Variants in OTUD7A observed in about 807,000 individuals in gnomAD.
OTUD7A encodes OTU deubiquitinase 7A.
In OTUD7A, 12 loss-of-function variants were observed where a neutral mutation model predicts 65.7. The observed-to-expected ratio is 0.18, with a 90% confidence interval of 0.12 to 0.30. The LOEUF (loss-of-function observed/expected upper bound fraction) is 0.30. Among genes scored for constraint, OTUD7A ranks in the 10% least tolerant of loss-of-function variants. OTUD7A has a pLI of 1.00. For synonymous variants in OTUD7A, 641 were observed against 586.3 expected, an observed-to-expected ratio of 1.09 and a Z score of -1.35; for missense variants, 1,148 against 1,304.8, an observed-to-expected ratio of 0.88 and a Z score of 1.85.
intron 1 of OTUD7A, among the ~76,000 whole-genome samples, chr15:31,757,464 T>G (rs1894847874): frequency 6.6e-6 from 1 of 151,866 alleles, no homozygotes; most frequent in Admixed American, 6.6e-5. Flanking sequence ...CTGCTACCAC[T>G]TAAACACAAT....
intron 1 of OTUD7A, among the ~76,000 whole-genome samples, chr15:31,753,721 T>TATATATATATTATATATATATATAATA (rs879561188): frequency 2.8e-5 from 3 of 106,778 alleles, no homozygotes. Context: ...TATATATATA[T>TATATATATATTATATATATATATAATA]TATATATATA....
At chr15:31,595,252 C>A (rs765099258) in intron 3 of OTUD7A, among the ~76,000 whole-genome samples, 1 of 152,178 alleles carries the variant, frequency 6.6e-6, no homozygotes, top group Non-Finnish European at 1.5e-5. Context: ...TTGGAAGAGA[C>A]CAGACCATTG....
intron 3 of OTUD7A, among the ~76,000 whole-genome samples, chr15:31,643,875 A>C (rs1295443904): frequency 3.3e-5 from 5 of 152,212 alleles, no homozygotes; most frequent in African/African-American, 1.2e-4. Context: ...TTCCCTTCTA[A>C]CAAAAAGCAG....
At chr15:31,758,648 A>T (rs73378652) in intron 1 of OTUD7A, among the ~76,000 whole-genome samples, 2,589 of 152,336 alleles carry the variant, frequency 0.017, 79 homozygotes, top group African/African-American at 0.059. Context: ...TATAGCAATC[A>T]ACAATTCACC....
intron 5 of OTUD7A, among the ~76,000 whole-genome samples, chr15:31,554,656 C>G (rs1888432907): frequency 6.6e-6 from 1 of 152,156 alleles, no homozygotes. Flanking sequence ...CACAAAAATG[C>G]CTCTGCCCTC....
chr15:31,515,070 C>A (rs903782125), intron 8 of OTUD7A, among the ~76,000 whole-genome samples: 1 of 152,064 alleles, frequency 6.6e-6, no homozygotes, highest in Non-Finnish European at 1.5e-5. Context: ...AATGGTTGAA[C>A]AACATAATGA....
intron 1 of OTUD7A, among the ~76,000 whole-genome samples, chr15:31,740,678 G>A (rs1894319651): frequency 6.6e-6 from 1 of 152,224 alleles, no homozygotes; most frequent in African/African-American, 2.4e-5. Context: ...GAGGAGCTGG[G>A]TAGAGGTGAA....
intron 1 of OTUD7A, among the ~76,000 whole-genome samples, chr15:31,724,863 C>G (rs537126135): frequency 3.3e-5 from 5 of 152,148 alleles, no homozygotes; most frequent in African/African-American, 1.2e-4. Flanking sequence ...CCTGTTGAAG[C>G]CAGCTACAAT....
chr15:31,625,532 G>C (rs1890926251), intron 3 of OTUD7A, among the ~76,000 whole-genome samples: 1 of 152,042 alleles, frequency 6.6e-6, no homozygotes, highest in Admixed American at 6.6e-5. Context: ...CTCGTATGTT[G>C]TTACAGTGGG....
At chr15:31,666,218 C>A (rs71476556) in intron 1 of OTUD7A, among the ~76,000 whole-genome samples, 12,558 of 150,682 alleles carry the variant, frequency 0.083, 1,273 homozygotes, top group African/African-American at 0.25. Flanking sequence ...TGTGGAATAG[C>A]GTCGAATTCT....
chr15:31,507,020 C>T lies in OTUD7A; in HGVS notation c.894-3202G>A, dbSNP rs1384043566. Among the ~76,000 whole-genome samples the T allele has an allele frequency of 2.6e-5, 4 of 152,122 alleles. No individual in the cohort carries two copies. The South Asian group carries it at 6.2e-4, about 24-fold the overall frequency. The stretch of plus-strand genomic sequence containing the variant: ...TTAAAGTGTGAATGGAATATTTTAG[C>T]TAGGCATTTGTATTTTGATGTATTG... On this transcript the variant is annotated intron_variant, in intron 8 of 12. Coordinates refer to ENST00000307050, the MANE Select transcript of OTUD7A (RefSeq NM_001382637.1).
intron 1 of OTUD7A, among the ~76,000 whole-genome samples, chr15:31,673,195 T>C (rs575750537): frequency 3.9e-5 from 6 of 152,358 alleles, no homozygotes; most frequent in Non-Finnish European, 5.9e-5. Context: ...TGACTTATGA[T>C]GGGGTAACCT....
At chr15:31,666,404 G>C (rs1451773002) in intron 1 of OTUD7A, among the ~76,000 whole-genome samples, 1 of 152,092 alleles carries the variant, frequency 6.6e-6, no homozygotes, top group African/African-American at 2.4e-5. Context: ...GTTTATGTGT[G>C]TAAAGGTGTT....
intron 9 of OTUD7A, among the ~76,000 whole-genome samples, 199 bp downstream of exon 9, chr15:31,503,492 C>T (rs779064743): frequency 5.3e-5 from 8 of 152,168 alleles, no homozygotes; most frequent in East Asian, 1.9e-4. Flanking sequence ...GGCCACCTGC[C>T]GTTGATAGGC....
intron 1 of OTUD7A, among the ~76,000 whole-genome samples, chr15:31,848,712 A>G (rs1897347600): frequency 6.6e-6 from 1 of 152,178 alleles, no homozygotes; most frequent in South Asian, 2.1e-4. Context: ...GTTCTGAAAA[A>G]TATGGTATGC....
chr15:31,624,739 G>A (rs1890900383), intron 3 of OTUD7A, among the ~76,000 whole-genome samples: 1 of 152,100 alleles, frequency 6.6e-6, no homozygotes, highest in African/African-American at 2.4e-5. Flanking sequence ...AGGAACCCCA[G>A]CAGGCCAGAG....
chr15:31,783,550 G>A (rs1055302856), intron 1 of OTUD7A, among the ~76,000 whole-genome samples: 2 of 152,256 alleles, frequency 1.3e-5, no homozygotes, highest in African/African-American at 2.4e-5. Context: ...AACAGAAACC[G>A]AAAACAGTTT....
At chr15:31,742,825 G>A (rs1894379051) in intron 1 of OTUD7A, among the ~76,000 whole-genome samples, 1 of 152,052 alleles carries the variant, frequency 6.6e-6, no homozygotes, top group Admixed American at 6.5e-5. Context: ...TGGAATGGAT[G>A]TATTAAAATC....
At chr15:31,677,209 T>C (rs2654130) in intron 1 of OTUD7A, among the ~76,000 whole-genome samples, 2 of 152,294 alleles carry the variant, frequency 1.3e-5, no homozygotes, top group South Asian at 2.1e-4. Flanking sequence ...AGTCAGTGAC[T>C]CCAGGGGATA....
Sources: gnomAD v4.1 joint callset for allele counts (sites outside exome capture counted in the v4.1 genomes callset) on GRCh38, gnomAD v4.1.1 for gene constraint, MANE v1.5 for transcripts, NCBI Gene and HGNC (gene_info 2026-07-23, HGNC 2026-07-21) for gene names.